Variants in NLGN1 observed in about 807,000 individuals in gnomAD.
The protein encoded by NLGN1 is neuroligin 1.
Under a neutral mutation model 65.5 loss-of-function variants are expected in NLGN1, and 12 were observed. The observed-to-expected ratio is 0.18, with a 90% CI of 0.12 to 0.30. The LOEUF (loss-of-function observed/expected upper bound fraction) is 0.30, where lower values mean the gene tolerates loss of function less well. Among genes scored for constraint, NLGN1 ranks in the 10% least tolerant of loss-of-function variants. The probability of loss-of-function intolerance (pLI) is 1.00; values close to 1 mark genes in which losing one functional copy is unlikely to be tolerated. For missense variants in NLGN1, 750 were observed against 1,007.1 expected (o/e 0.74, Z 3.46); for synonymous variants, 350 against 359.5 (o/e 0.97, Z 0.30).
intron 3 of NLGN1, among the ~76,000 whole-genome samples, chr3:173,774,515 A>G (rs927736738): frequency 2.0e-5 from 3 of 152,160 alleles, no homozygotes; most frequent in African/African-American, 4.8e-5. Flanking sequence ...TATGCAGAGG[A>G]TTCCACAACC....
At chr3:173,909,696 T>C (rs2152216636) in intron 4 of NLGN1, among the ~76,000 whole-genome samples, 1 of 152,312 alleles carries the variant, frequency 6.6e-6, no homozygotes, top group Non-Finnish European at 1.5e-5. Flanking sequence ...ATGTATTTTT[T>C]GAGATGGAGT....
intron 2 of NLGN1, among the ~76,000 whole-genome samples, chr3:173,578,307 C>G (rs1021803): frequency 0.37 from 55,196 of 151,184 alleles, 11,965 homozygotes; most frequent in East Asian, 0.73. Flanking sequence ...AATCATGGAA[C>G]TAAATATTTT....
chr3:173,792,241 G>T (rs1444269589), intron 3 of NLGN1, among the ~76,000 whole-genome samples: 3 of 152,086 alleles, frequency 2.0e-5, no homozygotes, highest in African/African-American at 7.2e-5. Flanking sequence ...TCCTTCACTG[G>T]CTTGTTTCCA....
intron 4 of NLGN1, among the ~76,000 whole-genome samples, chr3:173,886,519 CA>C (rs1193662413): frequency 6.6e-6 from 1 of 151,994 alleles, no homozygotes; most frequent in African/African-American, 2.4e-5. Context: ...GAATATTCAA[CA>C]GGGGGCAAAT....
At chr3:173,468,036 A>G (rs1369518584) in intron 2 of NLGN1, among the ~76,000 whole-genome samples, 1 of 152,074 alleles carries the variant, frequency 6.6e-6, no homozygotes, top group Non-Finnish European at 1.5e-5. Context: ...TATTACCTTT[A>G]TGTCTCAGAC....
chr3:173,640,715 T>A (rs2149585785), intron 3 of NLGN1, among the ~76,000 whole-genome samples: 1 of 152,320 alleles, frequency 6.6e-6, no homozygotes, highest in African/African-American at 2.4e-5. Flanking sequence ...ATGTCTTAAA[T>A]TAGTTGCCCC....
At chr3:174,059,503 C>G (rs1736930489) in intron 4 of NLGN1, among the ~76,000 whole-genome samples, 1 of 152,032 alleles carries the variant, frequency 6.6e-6, no homozygotes, top group Non-Finnish European at 1.5e-5. Flanking sequence ...CCTCAATTTC[C>G]AATTTCACTC....
chr3:173,522,559 T>G (rs1734937096), intron 2 of NLGN1, among the ~76,000 whole-genome samples: 1 of 151,992 alleles, frequency 6.6e-6, no homozygotes. Context: ...GGCTCCCAAG[T>G]AGCTGGAACT....
chr3:174,273,111 A>AAT (rs1749795063), intron 4 of NLGN1, among the ~76,000 whole-genome samples: 1 of 151,564 alleles, frequency 6.6e-6, no homozygotes, highest in Non-Finnish European at 1.5e-5. Flanking sequence ...ATGTAGAAAT[A>AAT]ATTGTCTGAT....
At chr3:173,621,934 G>T (rs1328555099) in intron 3 of NLGN1, among the ~76,000 whole-genome samples, 2 of 151,972 alleles carry the variant, frequency 1.3e-5, no homozygotes, top group Non-Finnish European at 2.9e-5. Context: ...GTATAAAAAA[G>T]CTATTTATGC....
At chr3:173,968,985 G>A (rs942107602) in intron 4 of NLGN1, among the ~76,000 whole-genome samples, 1 of 151,766 alleles carries the variant, frequency 6.6e-6, no homozygotes, top group East Asian at 1.9e-4. Flanking sequence ...ACAGAGATGA[G>A]CCACTGCGCC....
At chr3:173,455,984 A>G (rs374439400) in intron 2 of NLGN1, among the ~76,000 whole-genome samples, 17 of 152,152 alleles carry the variant, frequency 1.1e-4, no homozygotes, top group African/African-American at 4.1e-4. Flanking sequence ...CAAATTGAAC[A>G]TTCCTCCACC....
intron 4 of NLGN1, among the ~76,000 whole-genome samples, chr3:174,038,769 A>G (rs949388624): frequency 2.0e-5 from 3 of 152,240 alleles, no homozygotes; most frequent in Admixed American, 6.5e-5. Flanking sequence ...CAGAAGTTCT[A>G]ATTGCCTTAT....
At chr3:173,874,479 C>G (rs1731764420) in intron 4 of NLGN1, among the ~76,000 whole-genome samples, 1 of 152,148 alleles carries the variant, frequency 6.6e-6, no homozygotes, top group African/African-American at 2.4e-5. Flanking sequence ...ATAATAACAT[C>G]TAGCAAGGGA....
intron 3 of NLGN1, among the ~76,000 whole-genome samples, chr3:173,654,336 T>G (rs1759654009): frequency 6.6e-6 from 1 of 152,254 alleles, no homozygotes; most frequent in Middle Eastern, 3.4e-3. Context: ...TTAATAATAC[T>G]AGTAATATCT....
intron 3 of NLGN1, among the ~76,000 whole-genome samples, chr3:173,659,283 T>C (rs182884797): frequency 1.1e-3 from 172 of 152,150 alleles, no homozygotes; most frequent in African/African-American, 3.9e-3. Context: ...TGGTGATGTA[T>C]AAGCTATTAA....
chr3:173,823,943 T>C (rs1720829476), intron 4 of NLGN1, among the ~76,000 whole-genome samples: 1 of 151,918 alleles, frequency 6.6e-6, no homozygotes, highest in African/African-American at 2.4e-5. Context: ...AAATCTTTTT[T>C]AATGCTCTGT....
intron 4 of NLGN1, among the ~76,000 whole-genome samples, chr3:173,880,034 A>T (rs1578952554): frequency 6.6e-6 from 1 of 152,324 alleles, no homozygotes; most frequent in Non-Finnish European, 1.5e-5. Flanking sequence ...ATAAGCAAGC[A>T]TAGTTTTTCT....
chr3:173,618,941 T>G (rs780749701), intron 3 of NLGN1, among the ~76,000 whole-genome samples: 1 of 152,140 alleles, frequency 6.6e-6, no homozygotes, highest in Non-Finnish European at 1.5e-5. Context: ...GCTGGCTTCA[T>G]GGGCTGGTAG....
Sources: allele counts gnomAD v4.1 joint callset (sites outside exome capture counted in the v4.1 genomes callset), GRCh38; gene constraint gnomAD v4.1.1; transcripts MANE v1.5; gene names NCBI Gene and HGNC (gene_info 2026-07-23, HGNC 2026-07-21).